Variants in RPS6KA2 observed in about 807,000 individuals in gnomAD.
RPS6KA2 encodes ribosomal protein S6 kinase A2.
Under a neutral mutation model 91.8 loss-of-function variants are expected in RPS6KA2, and 42 were observed. That is an observed-to-expected ratio of 0.46 (90% CI 0.36 to 0.59). The LOEUF (loss-of-function observed/expected upper bound fraction) is 0.59. Among genes scored for constraint, RPS6KA2 ranks in the 20% least tolerant of loss-of-function variants. RPS6KA2 has a pLI of 0.00. For synonymous variants in RPS6KA2, 414 were observed against 393.6 expected (o/e 1.05, Z -0.61); for missense variants, 798 against 978.5 (o/e 0.82, Z 2.46).
chr6:166,451,287 G>T, intron 12 of RPS6KA2, 54 bp from the exon 13 acceptor site: 1 of 1,605,078 alleles, frequency 6.2e-7, no homozygotes, highest in South Asian at 1.1e-5. Context: ...TGACCCTGGG[G>T]TGAAGTGATA....
At chr6:166,532,111 C>T (rs1783299094) in intron 2 of RPS6KA2, among the ~76,000 whole-genome samples, 1 of 152,214 alleles carries the variant, frequency 6.6e-6, no homozygotes, top group Non-Finnish European at 1.5e-5. Context: ...GCTGCCCATG[C>T]AGTATGGCTG....
intron 2 of RPS6KA2, among the ~76,000 whole-genome samples, chr6:166,834,230 T>G (rs940291119): frequency 1.3e-5 from 2 of 152,232 alleles, no homozygotes; most frequent in African/African-American, 4.8e-5. Flanking sequence ...TTAGCTACTC[T>G]AGTAGGCTTG....
chr6:166,737,953 G>A lies in RPS6KA2; in HGVS notation c.123+120247C>T, dbSNP rs186886785. Among the ~76,000 whole-genome samples the A allele has an allele frequency of 3.3e-5, 5 of 152,146 alleles. No individual in the cohort carries two copies. Among genetic ancestry groups the A allele is most frequent in the Admixed American group, 1.3e-4 (2 of 15,280 alleles). The stretch of plus-strand genomic sequence containing the variant: ...AGTAAAATAAAAATGTCATGCCATC[G>A]CTCAGAGAGAATCCTTTTAATATTG... On this transcript the variant is annotated intron_variant, in intron 2 of 21. Coordinates refer to the RPS6KA2 transcript ENST00000503859. This position sits in a 1 kb window ranked among gnomAD's most constrained non-coding sequence, Gnocchi z 4.3.
intron 2 of RPS6KA2, among the ~76,000 whole-genome samples, chr6:166,746,231 T>C (rs1045746439): frequency 3.9e-5 from 6 of 152,134 alleles, no homozygotes; most frequent in Admixed American, 3.9e-4. Context: ...ACACCGAGCT[T>C]TCCTCTGAGC....
intron 2 of RPS6KA2, among the ~76,000 whole-genome samples, chr6:166,682,720 G>A (rs922579846): frequency 1.3e-5 from 2 of 152,156 alleles, no homozygotes; most frequent in Non-Finnish European, 2.9e-5. Flanking sequence ...CTCATTCATC[G>A]GAAACCATGA....
rs551569956 is a variant in RPS6KA2, at chr6:166,435,798, A to G, written c.1333-3308T>C. On this transcript the variant is annotated intron_variant, in intron 14 of 20. Transcript: ENST00000265678. The surrounding 1 kb of genome is among the most constrained non-coding windows in gnomAD (Gnocchi z 4.3). ...TGGCCATGTCACTTGCTGGTACTTGAATGTGGGTGTCTGCAGGCTCAGCTC... is the reference window on the plus strand; with the variant it reads ...TGGCCATGTCACTTGCTGGTACTTGGATGTGGGTGTCTGCAGGCTCAGCTC... Among the ~76,000 whole-genome samples, 122 of 152,308 alleles carry G rather than the reference A, an allele frequency of 8.0e-4. No homozygotes were observed. The highest frequency in any genetic ancestry group is 2.8e-3 in the African/African-American group (116 of 41,568).
intron 1 of RPS6KA2, among the ~76,000 whole-genome samples, chr6:166,575,201 C>A (rs115702001): frequency 2.1e-3 from 323 of 152,328 alleles, no homozygotes; most frequent in African/African-American, 7.5e-3. Flanking sequence ...AGATTTTCAA[C>A]ACATAAAAAC....
intron 3 of RPS6KA2, among the ~76,000 whole-genome samples, chr6:166,521,343 C>T (rs774774842): frequency 5.3e-5 from 8 of 152,202 alleles, no homozygotes; most frequent in Non-Finnish European, 8.8e-5. Context: ...TGCAAAGCTC[C>T]GGGGCAGAAC....
At chr6:166,578,792 T>C (rs1219177018) in intron 1 of RPS6KA2, among the ~76,000 whole-genome samples, 1 of 152,188 alleles carries the variant, frequency 6.6e-6, no homozygotes, top group Non-Finnish European at 1.5e-5. Context: ...TCCGAGGTCT[T>C]CCACCATGCG....
intron 1 of RPS6KA2, among the ~76,000 whole-genome samples, chr6:166,566,574 T>C (rs1784511592): frequency 6.6e-6 from 1 of 152,196 alleles, no homozygotes; most frequent in Non-Finnish European, 1.5e-5. Flanking sequence ...CCAAGCTCCA[T>C]GCGATGCTAT....
intron 1 of RPS6KA2, among the ~76,000 whole-genome samples, chr6:166,569,626 A>G (rs1036118845): frequency 6.6e-6 from 1 of 152,128 alleles, no homozygotes; most frequent in Non-Finnish European, 1.5e-5. Context: ...GGACTCCTCT[A>G]TGGGCAGGGG....
intron 2 of RPS6KA2, among the ~76,000 whole-genome samples, chr6:166,834,586 C>A (rs1780273197): frequency 6.6e-6 from 1 of 152,176 alleles, no homozygotes; most frequent in Non-Finnish European, 1.5e-5. Context: ...TATAACAAAC[C>A]TGCACGTGCA....
At position 166,541,877 on chromosome 6, in the gene RPS6KA2, C is replaced by G. The variant is rs1048535177; in HGVS notation, c.100-3093G>C. Among the ~76,000 whole-genome samples, 3 of 152,132 alleles carry G rather than the reference C, an allele frequency of 2.0e-5. No homozygotes were observed. The East Asian group carries it at 5.8e-4, about 29-fold the overall frequency. On this transcript the variant is annotated intron_variant, in intron 1 of 20. Transcript: ENST00000265678. ...CCTAAAATGACATGAAAAACGCCAG[C>G]TTTCTTCCCTAATAATATTGCGATA...
At position 166,478,642 on chromosome 6, in the gene RPS6KA2, T is replaced by C. The variant is rs929639917; in HGVS notation, c.908-8737A>G. Among the ~76,000 whole-genome samples, 3 of 152,324 alleles carry C rather than the reference T, an allele frequency of 2.0e-5. No individual in the cohort carries two copies. The East Asian group carries it at 5.8e-4, about 29-fold the overall frequency. On this transcript the variant is annotated intron_variant, in intron 10 of 20. Coordinates refer to ENST00000265678, the MANE Select transcript of RPS6KA2 (RefSeq NM_021135.6). The stretch of plus-strand genomic sequence containing the variant: ...CTCAGAATTGTGGCTCCTCGGCTAT[T>C]GTGCACCAGATAACGTTCCTCTGTT...
At chr6:166,725,607 G>A (rs1020933571) in intron 2 of RPS6KA2, among the ~76,000 whole-genome samples, 8 of 152,234 alleles carry the variant, frequency 5.3e-5, no homozygotes, top group Non-Finnish European at 1.0e-4. Context: ...GCGCACACAC[G>A]GAACCAAAGG....
chr6:166,525,107 A>G (rs774093346), intron 3 of RPS6KA2, among the ~76,000 whole-genome samples: 3 of 152,014 alleles, frequency 2.0e-5, no homozygotes, highest in Non-Finnish European at 2.9e-5. Context: ...TGCATGACCA[A>G]CCCTGTTTGA....
At chr6:166,573,108 C>T (rs11752705) in intron 1 of RPS6KA2, among the ~76,000 whole-genome samples, 3,837 of 152,270 alleles carry the variant, frequency 0.025, 54 homozygotes, top group Non-Finnish European at 0.038. Context: ...AGGGATGGCC[C>T]GGTGCAGGGA....
intron 2 of RPS6KA2, among the ~76,000 whole-genome samples, chr6:166,831,559 C>A (rs1323051771): frequency 6.6e-6 from 1 of 151,894 alleles, no homozygotes; most frequent in Non-Finnish European, 1.5e-5. Context: ...CAGAGGAAGG[C>A]TTGGCCCCCA....
chr6:166,783,644 G>C (rs547963354), intron 2 of RPS6KA2, among the ~76,000 whole-genome samples: 3 of 151,976 alleles, frequency 2.0e-5, no homozygotes, highest in African/African-American at 7.3e-5. Context: ...ATATATACAT[G>C]TGCACACCTA....
Sources: gnomAD v4.1 joint callset for allele counts (sites outside exome capture counted in the v4.1 genomes callset) on GRCh38, gnomAD v4.1.1 for gene constraint, Gnocchi (gnomAD v3.1) non-coding constraint, MANE v1.5 for transcripts, NCBI Gene and HGNC (gene_info 2026-07-23, HGNC 2026-07-21) for gene names.